The following LRRC4C variants were observed in gnomAD, a reference collection of about 807,000 sequenced individuals.
LRRC4C encodes the protein leucine rich repeat containing 4C.
In LRRC4C, 5 loss-of-function variants were observed where a neutral mutation model predicts 33.6. That is an observed-to-expected ratio of 0.15 (90% CI 0.08 to 0.31). LRRC4C has a LOEUF of 0.31. Ranked by LOEUF, LRRC4C falls within the 10% of genes least tolerant of loss-of-function variation. LRRC4C has a pLI of 1.00. For missense variants in LRRC4C, 560 were observed against 796.7 expected (o/e 0.70, Z 3.58); for synonymous variants, 329 against 302.0 (o/e 1.09, Z -0.93).
intron 1 of LRRC4C, among the ~76,000 whole-genome samples, chr11:41,229,815 A>G (rs1051802177): frequency 1.3e-5 from 2 of 152,060 alleles, no homozygotes; most frequent in African/African-American, 4.8e-5. Flanking sequence ...TTTCCCCCTG[A>G]TAACTCTGAT....
chr11:41,445,137 C>T (rs943796664), intron 1 of LRRC4C, among the ~76,000 whole-genome samples: 3 of 152,090 alleles, frequency 2.0e-5, no homozygotes, highest in Non-Finnish European at 4.4e-5. Flanking sequence ...CCCTTAGCTC[C>T]GGCAGTAAAC....
intron 2 of LRRC4C, among the ~76,000 whole-genome samples, chr11:40,771,530 G>A (rs1949757865): frequency 6.6e-6 from 1 of 152,188 alleles, no homozygotes; most frequent in Admixed American, 6.5e-5. Flanking sequence ...AATTTCTGCA[G>A]CTGGCTTGAA....
chr11:40,391,476 T>A (rs989617442), intron 3 of LRRC4C, among the ~76,000 whole-genome samples: 1 of 152,186 alleles, frequency 6.6e-6, no homozygotes, highest in African/African-American at 2.4e-5. Context: ...AACAACGCTG[T>A]GATGTACCAC....
intron 3 of LRRC4C, among the ~76,000 whole-genome samples, chr11:40,593,341 A>AT (rs902493914): frequency 2.6e-5 from 4 of 152,152 alleles, no homozygotes; most frequent in Admixed American, 2.0e-4. Context: ...CAGGAAAGTA[A>AT]TTTTTTTCTC....
At chr11:40,798,813 T>C (rs1201980178) in intron 2 of LRRC4C, among the ~76,000 whole-genome samples, 1 of 151,960 alleles carries the variant, frequency 6.6e-6, no homozygotes, top group Non-Finnish European at 1.5e-5. Context: ...TCAGCTAGTT[T>C]TTGCATTTTT....
chr11:40,759,825 G>A (rs1949116964), intron 2 of LRRC4C, among the ~76,000 whole-genome samples: 1 of 151,734 alleles, frequency 6.6e-6, no homozygotes, highest in South Asian at 2.1e-4. Context: ...TACACTAAGG[G>A]AACTTCTAGC....
intron 5 of LRRC4C, among the ~76,000 whole-genome samples, chr11:40,198,898 C>T (rs188085333): frequency 6.6e-6 from 1 of 152,216 alleles, no homozygotes; most frequent in African/African-American, 2.4e-5. Flanking sequence ...TAGAAGTTCC[C>T]CCCAGAAGGA....
chr11:41,375,214 G>T (rs899979657), intron 1 of LRRC4C, among the ~76,000 whole-genome samples: 4 of 151,996 alleles, frequency 2.6e-5, no homozygotes, highest in Admixed American at 1.3e-4. Context: ...GTGTGACAGG[G>T]TTAAACATTA....
intron 3 of LRRC4C, among the ~76,000 whole-genome samples, chr11:40,478,687 C>T (rs1953380936): frequency 6.6e-6 from 1 of 152,086 alleles, no homozygotes; most frequent in African/African-American, 2.4e-5. Flanking sequence ...TACTTTGGGG[C>T]ACAGAGGAAT....
At chr11:40,984,363 A>AAAAGAAAGAAAGAAAGAAAG (rs61226519) in intron 1 of LRRC4C, among the ~76,000 whole-genome samples, 44 of 120,390 alleles carry the variant, frequency 3.7e-4, no homozygotes, top group East Asian at 2.1e-3. Flanking sequence ...AAAGAAAGAA[A>AAAAGAAAGAAAGAAAGAAAG]AAAGAAAGAA....
chr11:41,268,811 T>C (rs1949231704), intron 1 of LRRC4C, among the ~76,000 whole-genome samples: 1 of 151,764 alleles, frequency 6.6e-6, no homozygotes, highest in South Asian at 2.1e-4. Flanking sequence ...CTCTGTACTT[T>C]GAAAAAAGAA....
At chr11:41,369,457 G>C (rs1388726245) in intron 1 of LRRC4C, among the ~76,000 whole-genome samples, 1 of 151,870 alleles carries the variant, frequency 6.6e-6, no homozygotes, top group Non-Finnish European at 1.5e-5. Flanking sequence ...TCATACCTGG[G>C]TGATGAAACA....
intron 2 of LRRC4C, among the ~76,000 whole-genome samples, chr11:40,840,412 A>AT (rs1320008451): frequency 3.9e-5 from 6 of 152,128 alleles, no homozygotes; most frequent in African/African-American, 9.7e-5. Flanking sequence ...TATGAAACTG[A>AT]TTTTTTAGTG....
At chr11:40,281,728 G>A (rs1340408616) in intron 4 of LRRC4C, among the ~76,000 whole-genome samples, 1 of 152,136 alleles carries the variant, frequency 6.6e-6, no homozygotes. Flanking sequence ...CGGACAATAA[G>A]ATGTCTTTTA....
At chr11:40,646,013 C>A (rs1942429136) in intron 3 of LRRC4C, among the ~76,000 whole-genome samples, 1 of 146,190 alleles carries the variant, frequency 6.8e-6, no homozygotes, top group Non-Finnish European at 1.5e-5. Flanking sequence ...GTAATTACTA[C>A]CTTTATGATT....
At chr11:40,952,539 C>A (rs1251053144) in intron 1 of LRRC4C, among the ~76,000 whole-genome samples, 3 of 151,764 alleles carry the variant, frequency 2.0e-5, no homozygotes, top group African/African-American at 7.3e-5. Flanking sequence ...TGAAGCAATG[C>A]AAATGTAATA....
At chr11:41,272,968 GCATA>G (rs1379464003) in intron 1 of LRRC4C, among the ~76,000 whole-genome samples, 1 of 152,142 alleles carries the variant, frequency 6.6e-6, no homozygotes, top group Non-Finnish European at 1.5e-5. Flanking sequence ...ATGCATGCAT[GCATA>G]AATTCAACAA....
intron 4 of LRRC4C, among the ~76,000 whole-genome samples, chr11:40,305,881 CA>C (rs200584887): frequency 6.6e-6 from 1 of 152,304 alleles, no homozygotes; most frequent in East Asian, 1.9e-4. Flanking sequence ...AATAAGCACT[CA>C]ATTATTAGTC....
intron 1 of LRRC4C, among the ~76,000 whole-genome samples, chr11:41,384,196 C>G (rs1165499216): frequency 6.6e-6 from 1 of 151,842 alleles, no homozygotes; most frequent in Non-Finnish European, 1.5e-5. Flanking sequence ...TAAGAACCTG[C>G]TAACATATAT....
Sources: allele counts gnomAD v4.1 joint callset (sites outside exome capture counted in the v4.1 genomes callset), GRCh38; gene constraint gnomAD v4.1.1; transcripts MANE v1.5; gene names NCBI Gene and HGNC (gene_info 2026-07-23, HGNC 2026-07-21).